CDH11: variants seen among roughly 807,000 people sequenced by gnomAD.
CDH11 encodes the protein cadherin-11.
In CDH11, 11 loss-of-function variants were observed where a neutral mutation model predicts 67.8. The ratio of observed to expected loss-of-function variants is 0.16; its 90% CI spans 0.10 to 0.27. CDH11 has a LOEUF of 0.27. Among genes scored for constraint, CDH11 ranks in the 10% least tolerant of loss-of-function variants. The pLI, the probability that CDH11 is intolerant of heterozygous loss-of-function variation, is 1.00. For synonymous variants in CDH11, 419 were observed against 400.0 expected, an observed-to-expected ratio of 1.05 and a Z score of -0.57; for missense variants, 847 against 1,031.2, an observed-to-expected ratio of 0.82 and a Z score of 2.45.
intron 1 of CDH11, among the ~76,000 whole-genome samples, chr16:65,054,925 A>C (rs1474539973): frequency 6.6e-6 from 1 of 152,200 alleles, no homozygotes; most frequent in Non-Finnish European, 1.5e-5. Context: ...CAAAACAACA[A>C]ACAAGCAAAC....
chr16:64,954,392 T>G (rs2071446812), intron 11 of CDH11, among the ~76,000 whole-genome samples: 1 of 152,196 alleles, frequency 6.6e-6, no homozygotes. Flanking sequence ...GGGTAACTTT[T>G]CCCATCTAGA....
chr16:64,978,986 G>A (rs1206270824), intron 8 of CDH11, among the ~76,000 whole-genome samples: 4 of 151,896 alleles, frequency 2.6e-5, no homozygotes, highest in Admixed American at 2.6e-4. Flanking sequence ...GATATCCCAT[G>A]GAATGAGAAA....
At chr16:64,960,354 C>T (rs1676028902) in intron 11 of CDH11, among the ~76,000 whole-genome samples, 2 of 152,182 alleles carry the variant, frequency 1.3e-5, no homozygotes, top group Non-Finnish European at 2.9e-5. Context: ...TTCTCAACCA[C>T]TCCTTCACTT....
intron 1 of CDH11, among the ~76,000 whole-genome samples, chr16:65,093,373 C>A (rs558417872): frequency 1.3e-5 from 2 of 152,070 alleles, no homozygotes; most frequent in Admixed American, 6.5e-5. Flanking sequence ...AAGGAAAATT[C>A]TTTGTCTGGT....
intron 3 of CDH11, among the ~76,000 whole-genome samples, chr16:65,003,235 CT>C (rs1010901194): frequency 1.3e-5 from 2 of 151,570 alleles, no homozygotes; most frequent in East Asian, 3.9e-4. Flanking sequence ...TAATAATCAT[CT>C]TTTTTATTAT....
chr16:64,967,342 C>A (rs565155906), intron 11 of CDH11, among the ~76,000 whole-genome samples: 2 of 152,020 alleles, frequency 1.3e-5, no homozygotes, highest in Non-Finnish European at 2.9e-5. Flanking sequence ...CTCAGCCTCC[C>A]GAGTAGCTGG....
chr16:65,042,347 T>G (rs2073881399), intron 2 of CDH11, among the ~76,000 whole-genome samples: 1 of 151,914 alleles, frequency 6.6e-6, no homozygotes. Flanking sequence ...GACTACAGGG[T>G]GGGTGGAGGA....
At chr16:65,044,161 G>A (rs965891106) in intron 2 of CDH11, among the ~76,000 whole-genome samples, 2 of 152,100 alleles carry the variant, frequency 1.3e-5, no homozygotes, top group African/African-American at 4.8e-5. Context: ...TTATTCCTGC[G>A]AAAGCCTGTT....
chr16:65,088,595 A>G (rs2074740850), intron 1 of CDH11, among the ~76,000 whole-genome samples: 1 of 152,216 alleles, frequency 6.6e-6, no homozygotes, highest in Non-Finnish European at 1.5e-5. Context: ...TATTCAAAGA[A>G]TTCCTCTAAG....
intron 1 of CDH11, among the ~76,000 whole-genome samples, chr16:65,065,231 C>A (rs1283437816): frequency 1.6e-4 from 24 of 152,156 alleles, no homozygotes; most frequent in Admixed American, 1.6e-3. Context: ...ACTCACCCGG[C>A]CCACTCTCCA....
At chr16:65,106,378 T>A (rs1032598653) in intron 1 of CDH11, among the ~76,000 whole-genome samples, 2 of 152,198 alleles carry the variant, frequency 1.3e-5, no homozygotes, top group Non-Finnish European at 2.9e-5. Flanking sequence ...GAAACCTTAG[T>A]GGACTGTGTC....
chr16:64,954,043 A>G (rs904050159), intron 11 of CDH11, among the ~76,000 whole-genome samples: 15 of 152,238 alleles, frequency 9.9e-5, no homozygotes, highest in African/African-American at 3.1e-4. Flanking sequence ...CTTCCAGATC[A>G]CAGCAGGTTG....
At chr16:65,046,366 G>A (rs2073962486) in intron 2 of CDH11, among the ~76,000 whole-genome samples, 1 of 152,184 alleles carries the variant, frequency 6.6e-6, no homozygotes, top group Non-Finnish European at 1.5e-5. Flanking sequence ...TGAGGAGGCA[G>A]AGAAAATCCT....
At chr16:65,080,271 T>C (rs531400595) in intron 1 of CDH11, among the ~76,000 whole-genome samples, 2 of 147,026 alleles carry the variant, frequency 1.4e-5, no homozygotes, top group African/African-American at 5.2e-5. Context: ...TTTCCTATTA[T>C]AAGTACAAAT....
intron 2 of CDH11, among the ~76,000 whole-genome samples, chr16:65,016,447 C>T (rs373793381): frequency 7.2e-5 from 11 of 152,208 alleles, no homozygotes; most frequent in African/African-American, 2.6e-4. Flanking sequence ...GCAGGACTTT[C>T]AAAGGCAATA....
At chr16:64,972,182 G>T (rs1260927083) in intron 9 of CDH11, 118 bp from the exon 10 acceptor site, 11 of 826,612 alleles carry the variant, frequency 1.3e-5, no homozygotes, top group Non-Finnish European at 1.9e-5. Flanking sequence ...AGGGAAAGAT[G>T]TTCTTGTCAC....
At chr16:65,067,605 T>G (rs2074335821) in intron 1 of CDH11, among the ~76,000 whole-genome samples, 1 of 152,178 alleles carries the variant, frequency 6.6e-6, no homozygotes, top group South Asian at 2.1e-4. Flanking sequence ...GCTCATTCAT[T>G]GTTTTTACTT....
intron 8 of CDH11, 51 bp from the exon 9 acceptor site, chr16:64,973,091 A>G (rs767647266): frequency 3.9e-6 from 6 of 1,521,376 alleles, no homozygotes; most frequent in Non-Finnish European, 5.4e-6. Context: ...AGAGCAGCTT[A>G]ATATTTGAAT....
At chr16:65,093,063 A>C (rs2142834911) in intron 1 of CDH11, among the ~76,000 whole-genome samples, 1 of 151,440 alleles carries the variant, frequency 6.6e-6, no homozygotes, top group South Asian at 2.1e-4. Context: ...CAGCCTCCTG[A>C]GTAGCAGGGT....
Sources: allele counts gnomAD v4.1 joint callset (sites outside exome capture counted in the v4.1 genomes callset), GRCh38; gene constraint gnomAD v4.1.1; transcripts MANE v1.5; gene names NCBI Gene and HGNC (gene_info 2026-07-23, HGNC 2026-07-21).